EDC4: variants seen among roughly 807,000 people sequenced by gnomAD.
EDC4 encodes enhancer of mRNA-decapping protein 4.
A neutral mutation model predicts 155.8 loss-of-function variants in EDC4; 64 were observed. That is an observed-to-expected ratio of 0.41 (90% CI 0.34 to 0.51). The LOEUF (loss-of-function observed/expected upper bound fraction) is 0.51, where lower values mean the gene tolerates loss of function less well. Ranked by LOEUF, EDC4 falls within the 20% of genes least tolerant of loss-of-function variation. EDC4 has a pLI of 0.19. For missense variants in EDC4, 1,303 were observed against 1,812.5 expected (o/e 0.72, Z 5.10); for synonymous variants, 684 against 716.8 (o/e 0.95, Z 0.73).
rs752701170 is a variant in EDC4 at position 67,878,720 on chromosome 16, G to A, written c.1185-17G>A. The A allele has an allele frequency of 1.9e-6, 3 of 1,614,208 alleles. No individual in the cohort carries two copies. Among genetic ancestry groups the A allele is most frequent in the Non-Finnish European group, 2.5e-6 (3 of 1,180,038 alleles). ...TTCAGTTCTCAGGCTCATTCACTCTGCTTTGTGGCTCTCTAGCTTCTCCCC... is the reference window on the plus strand; with the variant it reads ...TTCAGTTCTCAGGCTCATTCACTCTACTTTGTGGCTCTCTAGCTTCTCCCC... On this transcript the variant is annotated splice_polypyrimidine_tract_variant and intron_variant, in intron 10 of 28. Coordinates refer to ENST00000358933, the MANE Select transcript of EDC4 (RefSeq NM_014329.5). This position sits in a 1 kb window ranked among gnomAD's most constrained non-coding sequence, Gnocchi z 5.2.
rs768724489 is a variant in EDC4 at position 67,878,127 on chromosome 16, C to T, written c.895-39C>T. ...CATCCTCACTTGGGAGGGGCTTGTT[C>T]TCACCTCTAGTCAGCAAAGCTTTTT... On this transcript the variant is annotated intron_variant, in intron 7 of 28. Coordinates refer to ENST00000358933, the MANE Select transcript of EDC4 (RefSeq NM_014329.5). This position sits in a 1 kb window ranked among gnomAD's most constrained non-coding sequence, Gnocchi z 5.2. The T allele has an allele frequency of 1.9e-6, 3 of 1,612,980 alleles. No homozygotes were observed. Among genetic ancestry groups the T allele is most frequent in the Non-Finnish European group, 2.5e-6 (3 of 1,179,550 alleles).
Position 67,882,413 on chromosome 16 carries a change from C to T in EDC4, c.3277-16C>T, listed in dbSNP as rs1307151161. 1.2e-6 allele frequency: 2 copies of T among 1,612,726 alleles called. No individual in the cohort carries two copies. Among genetic ancestry groups the T allele is most frequent in the Non-Finnish European group, 1.7e-6 (2 of 1,178,852 alleles). On this transcript the variant is annotated splice_polypyrimidine_tract_variant and intron_variant, in intron 24 of 28. Coordinates refer to ENST00000358933, the MANE Select transcript of EDC4 (RefSeq NM_014329.5). The surrounding 1 kb of genome is among the most constrained non-coding windows in gnomAD (Gnocchi z 7.2). The stretch of plus-strand genomic sequence containing the variant: ...TGGGCTCAGGCTTTCAACTTGGCCC[C>T]TCCCTCTAACCCCAGAACTTGACTG...
Position 67,876,177 on chromosome 16 carries a change from G to T in EDC4, c.239+76G>T. On this transcript the variant is annotated intron_variant, in intron 2 of 28. Coordinates refer to ENST00000358933, the MANE Select transcript of EDC4 (RefSeq NM_014329.5). This position sits in a 1 kb window ranked among gnomAD's most constrained non-coding sequence, Gnocchi z 5.8. Reference sequence around the variant, plus strand: ...GCTAGCTGAAGGCATGAGATGGGGAGTGAGCGGGGCCAGCAGCCTCTGCTG... The same window carrying T: ...GCTAGCTGAAGGCATGAGATGGGGATTGAGCGGGGCCAGCAGCCTCTGCTG... 6.7e-7 allele frequency: 1 copy of T among 1,484,920 alleles called. No homozygotes were observed. Among genetic ancestry groups the T allele is most frequent in the African/African-American group, 1.4e-5 (1 of 72,560 alleles). The allele number at this position is 1,484,920 out of a possible 1,614,324, so 92.0% of individuals were successfully genotyped here. A position where few individuals can be genotyped will look rare whatever the true frequency, so the allele number is the denominator to read the frequency against.
chr16:67,878,291 A>G lies in EDC4; in HGVS notation c.1004+16A>G, dbSNP rs1267247256. ...ATGAGCCAAGGTAAGGCAGGGCCTC[A>G]GGGACCAGGATCCTCCCGAGGTAGC... is the stretch of plus-strand genomic sequence containing the variant. On this transcript the variant is annotated intron_variant, in intron 8 of 28. Coordinates refer to ENST00000358933, the MANE Select transcript of EDC4 (RefSeq NM_014329.5). The surrounding 1 kb of genome is among the most constrained non-coding windows in gnomAD (Gnocchi z 5.2). 1 of 1,614,196 alleles carries G rather than the reference A, an allele frequency of 6.2e-7. No homozygotes were observed. Among genetic ancestry groups the G allele is most frequent in the South Asian group, 1.1e-5 (1 of 91,086 alleles).
chr16:67,879,061 C>G lies in EDC4; in HGVS notation c.1392C>G (p.Ile464Met). 6.2e-7 allele frequency: 1 copy of G among 1,613,440 alleles called. No homozygotes were observed. Among genetic ancestry groups the G allele is most frequent in the Non-Finnish European group, 8.5e-7 (1 of 1,180,000 alleles). Residue 464 changes from isoleucine to methionine, a missense_variant, in exon 12 of 29, where the codon ATC becomes ATG. Ile to Met is a conservative substitution (Grantham distance 10). Coordinates refer to ENST00000358933, the MANE Select transcript of EDC4 (RefSeq NM_014329.5). This position sits in a 1 kb window ranked among gnomAD's most constrained non-coding sequence, Gnocchi z 6.0. ...CCCACCCTGTGCTGAGCTTTGGTAT[C>G]CAGGTTGTGAGTCGCTGCCGGCTAC... ...LLTHPVLSFG[I>M]QVVSRCRLRH...
chr16:67,880,747 G>A lies in EDC4; in HGVS notation c.2288G>A (p.Gly763Asp). 4 of 1,614,194 alleles carry A rather than the reference G, an allele frequency of 2.5e-6. No individual in the cohort carries two copies. The highest frequency in any genetic ancestry group is 3.4e-6 in the Non-Finnish European group (4 of 1,180,030). Residue 763 changes from glycine (G) to aspartate (D), a missense_variant, in exon 18 of 29, where the codon GGC (glycine) becomes GAC (aspartate). Physicochemically the swap from Gly to Asp is moderately conservative, Grantham distance 94. Coordinates refer to ENST00000358933, the MANE Select transcript of EDC4 (RefSeq NM_014329.5). The surrounding 1 kb of genome is among the most constrained non-coding windows in gnomAD (Gnocchi z 5.2). ...GGTTTTGGCTCCTCTGCACCAGAGGGCCTTGAGCCAGACAGTATGGCTTCA... is the reference window on the plus strand; with the variant it reads ...GGTTTTGGCTCCTCTGCACCAGAGGACCTTGAGCCAGACAGTATGGCTTCA... ...SRGFGSSAPEGLEPDSMASAA... is the reference protein window; with the variant it reads ...SRGFGSSAPEDLEPDSMASAA...
At position 67,876,771 on chromosome 16, in the gene EDC4, G is replaced by A; in HGVS notation, c.352-102G>A. The A allele has an allele frequency of 1.3e-6, 2 of 1,567,678 alleles. No individual in the cohort carries two copies. Among genetic ancestry groups the A allele is most frequent in the African/African-American group, 1.3e-5 (1 of 74,096 alleles). ...AGTCTGGCTCCAGGAGGTAACAGTG[G>A]GTAGCTGGACTTGCATCTGTGTCCT... is the stretch of plus-strand genomic sequence containing the variant. On this transcript the variant is annotated intron_variant, in intron 3 of 28. Coordinates refer to ENST00000358933, the MANE Select transcript of EDC4 (RefSeq NM_014329.5). The surrounding 1 kb of genome is among the most constrained non-coding windows in gnomAD (Gnocchi z 5.8).
chr16:67,876,211 C>G lies in EDC4; in HGVS notation c.239+110C>G. 7.9e-7 allele frequency: 1 copy of G among 1,271,456 alleles called. No homozygotes were observed. The highest frequency in any genetic ancestry group is 1.1e-6 in the Non-Finnish European group (1 of 900,858). 78.8% of individuals were successfully genotyped at this position (1,271,456 alleles called of 1,614,324 possible). Reference sequence around the variant, plus strand: ...GCCAGCAGCCTCTGCTGCTTCCTCTCTAGATGACCTGGGGTGGAGCTTGAG... The same window carrying G: ...GCCAGCAGCCTCTGCTGCTTCCTCTGTAGATGACCTGGGGTGGAGCTTGAG... On this transcript the variant is annotated intron_variant, in intron 2 of 28. Transcript: ENST00000358933. The surrounding 1 kb of genome is among the most constrained non-coding windows in gnomAD (Gnocchi z 5.8).
At position 67,876,659 on chromosome 16, in the gene EDC4, C is replaced by T. The variant is rs1037340396; in HGVS notation, c.351+60C>T. The T allele has an allele frequency of 2.5e-6, 4 of 1,594,110 alleles. No individual in the cohort carries two copies. Among genetic ancestry groups the T allele is most frequent in the African/African-American group, 2.7e-5 (2 of 74,498 alleles). ...CGGGGGCACACCCAGCCTTTCCAGTCTCCCTCATGCTGCCAGTTCCTATGG... is the reference window on the plus strand; with the variant it reads ...CGGGGGCACACCCAGCCTTTCCAGTTTCCCTCATGCTGCCAGTTCCTATGG... On this transcript the variant is annotated intron_variant, in intron 3 of 28. Coordinates refer to ENST00000358933, the MANE Select transcript of EDC4 (RefSeq NM_014329.5). The surrounding 1 kb of genome is among the most constrained non-coding windows in gnomAD (Gnocchi z 5.8).
At position 67,883,104 on chromosome 16, in the gene EDC4, TTGA is replaced by T; in HGVS notation, c.3777_3779del (p.Asp1260del). On this transcript the variant is annotated inframe_deletion, in exon 27 of 29. Coordinates refer to ENST00000358933, the MANE Select transcript of EDC4 (RefSeq NM_014329.5). This position sits in a 1 kb window ranked among gnomAD's most constrained non-coding sequence, Gnocchi z 5.3. ...GGCACACCTGTCCCCTCTGCCCACCTTGACTGCCAGGCCCAGCAAGCCCATATC... is the reference window on the plus strand; with the variant it reads ...GGCACACCTGTCCCCTCTGCCCACCTCTGCCAGGCCCAGCAAGCCCATATC... 1.2e-6 allele frequency: 2 copies of T among 1,611,360 alleles called. No individual in the cohort carries two copies. The highest frequency in any genetic ancestry group is 1.7e-6 in the Non-Finnish European group (2 of 1,179,350).
chr16:67,876,762 G>T lies in EDC4; in HGVS notation c.352-111G>T. Reference sequence around the variant, plus strand: ...CTCTGTGGGAGTCTGGCTCCAGGAGGTAACAGTGGGTAGCTGGACTTGCAT... The same window carrying T: ...CTCTGTGGGAGTCTGGCTCCAGGAGTTAACAGTGGGTAGCTGGACTTGCAT... On this transcript the variant is annotated intron_variant, in intron 3 of 28. Coordinates refer to ENST00000358933, the MANE Select transcript of EDC4 (RefSeq NM_014329.5). The surrounding 1 kb of genome is among the most constrained non-coding windows in gnomAD (Gnocchi z 5.8). 1 of 1,563,806 alleles carries T rather than the reference G, an allele frequency of 6.4e-7. No individual in the cohort carries two copies. Among genetic ancestry groups the T allele is most frequent in the South Asian group, 1.2e-5 (1 of 82,038 alleles).
intron 1 of EDC4, among the ~76,000 whole-genome samples, chr16:67,873,929 T>C (rs1484940085): frequency 2.0e-5 from 3 of 152,198 alleles, no homozygotes; most frequent in Admixed American, 6.5e-5. Context: ...CCCTAATTGG[T>C]TCCCATTCAT....
chr16:67,884,168 C>A lies in EDC4; in HGVS notation c.*20C>A. ...CCTTAGCTGCTAAGCCTGCCTTGCC[C>A]AGGGGTGGGATGGCACTGAAGGCCA... On this transcript the variant is annotated 3_prime_UTR_variant, in exon 29 of 29. Transcript: ENST00000358933. This position sits in a 1 kb window ranked among gnomAD's most constrained non-coding sequence, Gnocchi z 4.1. 6.3e-7 allele frequency: 1 copy of A among 1,588,462 alleles called. No homozygotes were observed. The highest frequency in any genetic ancestry group is 1.3e-5 in the African/African-American group (1 of 74,740).
In EDC4 at chr16:67,882,255, C is replaced by T. The variant is rs781765870; in HGVS notation, c.3204C>T (p.Asn1068=). The T allele has an allele frequency of 7.3e-5, 117 of 1,613,560 alleles. No homozygotes were observed. The highest frequency in any genetic ancestry group is 9.7e-5 in the Non-Finnish European group (115 of 1,179,782). Residue 1068 remains asparagine (N), a synonymous_variant, in exon 24 of 29, where the codon AAC becomes AAT. Coordinates refer to ENST00000358933, the MANE Select transcript of EDC4 (RefSeq NM_014329.5). This position sits in a 1 kb window ranked among gnomAD's most constrained non-coding sequence, Gnocchi z 7.2. ...AGCCTATGGCAGGCCAACTGAGCAACTCAGTGGCTACCAAGCTCACAGCTG... is the reference window on the plus strand; with the variant it reads ...AGCCTATGGCAGGCCAACTGAGCAATTCAGTGGCTACCAAGCTCACAGCTG... The part of the protein sequence containing the change: ...SLEPMAGQLS[N]SVATKLTAVE...
At position 67,883,019 on chromosome 16, in the gene EDC4, C is replaced by G. The variant is rs777389456; in HGVS notation, c.3691C>G (p.Leu1231Val). 3 of 1,614,086 alleles carry G rather than the reference C, an allele frequency of 1.9e-6. 1 individual carries two copies. The South Asian group carries it at 3.3e-5, about 18-fold the overall frequency. The change falls in exon 27 of 29, where the codon CTC (leucine) becomes GTC (valine). Residue 1231 changes from leucine (L) to valine (V), a missense_variant. Leu to Val is a conservative substitution (Grantham distance 32). Transcript: ENST00000358933. This position sits in a 1 kb window ranked among gnomAD's most constrained non-coding sequence, Gnocchi z 5.3. ...RIVKGEVSVA[L>V]KEQQAAVTSS... Reference sequence around the variant, plus strand: ...CGTTAAGGGTGAGGTGAGTGTGGCGCTCAAGGAGCAGCAGGCCGCCGTCAC... The same window carrying G: ...CGTTAAGGGTGAGGTGAGTGTGGCGGTCAAGGAGCAGCAGGCCGCCGTCAC...
chr16:67,882,285 G>A lies in EDC4; in HGVS notation c.3234G>A (p.Glu1078=), dbSNP rs768893781. ...NSVATKLTAV[E]GSMKENISKL... ...TGGCTACCAAGCTCACAGCTGTGGA[G>A]GGCAGCATGAAAGAGAACATCTCCA... The change falls in exon 24 of 29, where the codon GAG becomes GAA. Residue 1078 remains glutamate (E), a synonymous_variant. Coordinates refer to ENST00000358933, the MANE Select transcript of EDC4 (RefSeq NM_014329.5). The surrounding 1 kb of genome is among the most constrained non-coding windows in gnomAD (Gnocchi z 7.2). The A allele has an allele frequency of 6.2e-7, 1 of 1,613,100 alleles. No individual in the cohort carries two copies. The highest frequency in any genetic ancestry group is 1.1e-5 in the South Asian group (1 of 90,920).
intron 1 of EDC4, 175 bp downstream of exon 1, chr16:67,873,518 C>A: frequency 2.0e-6 from 1 of 488,234 alleles, no homozygotes. Flanking sequence ...GGGTGTGACC[C>A]CTCCCTATCT....
rs1427702991 is a variant in EDC4, at chr16:67,875,812, T to A, written c.83-133T>A. 13 of 1,489,542 alleles carry A rather than the reference T, an allele frequency of 8.7e-6. 1 individual carries two copies. Among genetic ancestry groups the A allele is most frequent in the East Asian group, 6.9e-5 (3 of 43,460 alleles). 92.3% of individuals were successfully genotyped at this position (1,489,542 alleles called of 1,614,324 possible). Reference sequence around the variant, plus strand: ...GGAACGAGAGATGAACACAGGGCCCTCCTCCTCATGGACATGCTTTGCTCA... The same window carrying A: ...GGAACGAGAGATGAACACAGGGCCCACCTCCTCATGGACATGCTTTGCTCA... On this transcript the variant is annotated intron_variant, in intron 1 of 28. Transcript: ENST00000358933.
chr16:67,883,351 T>C lies in EDC4; in HGVS notation c.3849+174T>C. ...TGCTTCCTCTTCCTGGACCCCTTTC[T>C]TCCCACCTAGCCCACCTTGCTTTAC... On this transcript the variant is annotated intron_variant, in intron 27 of 28. Transcript: ENST00000358933. The surrounding 1 kb of genome is among the most constrained non-coding windows in gnomAD (Gnocchi z 5.3). 1.5e-6 allele frequency: 2 copies of C among 1,312,868 alleles called. No homozygotes were observed. The highest frequency in any genetic ancestry group is 1.0e-6 in the Non-Finnish European group (1 of 967,426). The allele number at this position is 1,312,868 out of a possible 1,614,324, so 81.3% of individuals were successfully genotyped here.
Sources: gnomAD v4.1 joint callset for allele counts (sites outside exome capture counted in the v4.1 genomes callset) on GRCh38, gnomAD v4.1.1 for gene constraint, Gnocchi (gnomAD v3.1) non-coding constraint, MANE v1.5 for transcripts, NCBI Gene and HGNC (gene_info 2026-07-23, HGNC 2026-07-21) for gene names.